The following DRC11 variants were observed in gnomAD, a reference collection of about 807,000 sequenced individuals.
DRC11 encodes IQ and AAA domain-containing protein 1.
At chr2:236,449,206 T>A in the DRC11 span, among the ~76,000 whole-genome samples, 1 of 152,178 alleles carries the variant, frequency 6.6e-6, no homozygotes, top group Non-Finnish European at 1.5e-5. This position sits in a 1 kb window ranked among gnomAD's most constrained non-coding sequence, Gnocchi z 5.1. Flanking sequence ...ACTAGGAAAC[T>A]GGGACATAGA....
chr2:236,442,406 A>G, the DRC11 span, among the ~76,000 whole-genome samples: 15 of 152,204 alleles, frequency 9.9e-5, no homozygotes, highest in East Asian at 1.2e-3. Context: ...GGAAGAGTAC[A>G]TAGAACAAGA....
At chr2:236,398,014 T>C in the DRC11 span, among the ~76,000 whole-genome samples, 1 of 152,022 alleles carries the variant, frequency 6.6e-6, no homozygotes, top group Non-Finnish European at 1.5e-5. This position sits in a 1 kb window ranked among gnomAD's most constrained non-coding sequence, Gnocchi z 6.2. Context: ...CATTAAGGAG[T>C]TGATGGATTC....
chr2:236,357,639 T>C, the DRC11 span, among the ~76,000 whole-genome samples: 3 of 90,790 alleles, frequency 3.3e-5, no homozygotes, highest in Non-Finnish European at 6.2e-5. Context: ...GCATATAATA[T>C]GTAAATATAT....
chr2:236,496,815 C>A, the DRC11 span, among the ~76,000 whole-genome samples: 17 of 152,246 alleles, frequency 1.1e-4, no homozygotes, highest in East Asian at 3.1e-3. This position sits in a 1 kb window ranked among gnomAD's most constrained non-coding sequence, Gnocchi z 6.3. Context: ...GAGGAGCGGG[C>A]GCTGCTACTG....
At chr2:236,343,116 C>T in the DRC11 span, among the ~76,000 whole-genome samples, 4 of 152,148 alleles carry the variant, frequency 2.6e-5, no homozygotes, top group South Asian at 2.1e-4. This position sits in a 1 kb window ranked among gnomAD's most constrained non-coding sequence, Gnocchi z 6.6. Flanking sequence ...TGCTTCTTCA[C>T]GGCTTTCAGC....
the DRC11 span, chr2:236,465,585 C>G: frequency 6.2e-7 from 1 of 1,613,980 alleles, no homozygotes. The surrounding 1 kb of genome is among the most constrained non-coding windows in gnomAD (Gnocchi z 6.2). Flanking sequence ...TTAGGTCATT[C>G]TTGATGGTAA....
chr2:236,470,701 T>A, the DRC11 span, among the ~76,000 whole-genome samples: 1 of 152,198 alleles, frequency 6.6e-6, no homozygotes, highest in Non-Finnish European at 1.5e-5. The surrounding 1 kb of genome is among the most constrained non-coding windows in gnomAD (Gnocchi z 5.1). Flanking sequence ...CTCATAAAGA[T>A]GAACCCAGCA....
the DRC11 span, among the ~76,000 whole-genome samples, chr2:236,417,071 T>C: frequency 6.6e-6 from 1 of 151,702 alleles, no homozygotes; most frequent in Non-Finnish European, 1.5e-5. Flanking sequence ...GGTTTCACCA[T>C]GTTGGCCAGG....
the DRC11 span, among the ~76,000 whole-genome samples, chr2:236,430,742 A>C: frequency 6.6e-6 from 1 of 152,174 alleles, no homozygotes; most frequent in Non-Finnish European, 1.5e-5. The surrounding 1 kb of genome is among the most constrained non-coding windows in gnomAD (Gnocchi z 6.0). Context: ...ATACTGTTAA[A>C]CTTCCCACCA....
At chr2:236,401,766 GA>G in the DRC11 span, among the ~76,000 whole-genome samples, 5 of 151,566 alleles carry the variant, frequency 3.3e-5, no homozygotes, top group Non-Finnish European at 5.9e-5. The surrounding 1 kb of genome is among the most constrained non-coding windows in gnomAD (Gnocchi z 4.6). Flanking sequence ...GCGGGGAAGA[GA>G]GGGGGGAAGG....
the DRC11 span, among the ~76,000 whole-genome samples, chr2:236,355,255 T>C: frequency 2.6e-5 from 4 of 152,244 alleles, no homozygotes; most frequent in Admixed American, 1.3e-4. Context: ...TGTTCCTCAC[T>C]GTAGCACATG....
the DRC11 span, among the ~76,000 whole-genome samples, chr2:236,370,745 G>C: frequency 5.4e-5 from 8 of 148,774 alleles, no homozygotes; most frequent in Admixed American, 2.0e-4. The surrounding 1 kb of genome is among the most constrained non-coding windows in gnomAD (Gnocchi z 5.5). Flanking sequence ...CTTGCTGCTG[G>C]GCACAGGGCC....
the DRC11 span, among the ~76,000 whole-genome samples, chr2:236,494,922 AATG>A: frequency 1.3e-5 from 2 of 152,194 alleles, no homozygotes; most frequent in Admixed American, 1.3e-4. The surrounding 1 kb of genome is among the most constrained non-coding windows in gnomAD (Gnocchi z 4.2). Context: ...GTAGGAGAAG[AATG>A]ATGACACTTT....
chr2:236,453,388 C>T, the DRC11 span, among the ~76,000 whole-genome samples: 1 of 152,182 alleles, frequency 6.6e-6, no homozygotes, highest in African/African-American at 2.4e-5. This position sits in a 1 kb window ranked among gnomAD's most constrained non-coding sequence, Gnocchi z 4.9. Flanking sequence ...TTATGAAACA[C>T]AAAGGCCTGA....
chr2:236,507,367 A>C, the DRC11 span: 1 of 1,290,456 alleles, frequency 7.7e-7, no homozygotes, highest in Non-Finnish European at 1.1e-6. Context: ...CAGGAGCTAC[A>C]GAGGATTTGG....
the DRC11 span, among the ~76,000 whole-genome samples, chr2:236,364,704 A>T: frequency 6.6e-6 from 1 of 152,206 alleles, no homozygotes; most frequent in African/African-American, 2.4e-5. Flanking sequence ...GGCACAAAGC[A>T]ACTAAAAAGT....
chr2:236,387,579 T>C, the DRC11 span, among the ~76,000 whole-genome samples: 1 of 152,214 alleles, frequency 6.6e-6, no homozygotes, highest in African/African-American at 2.4e-5. Context: ...ATGGGTTTCC[T>C]GAATACAGCA....
At chr2:236,391,758 G>A in the DRC11 span, among the ~76,000 whole-genome samples, 4 of 152,174 alleles carry the variant, frequency 2.6e-5, no homozygotes, top group Non-Finnish European at 5.9e-5. This position sits in a 1 kb window ranked among gnomAD's most constrained non-coding sequence, Gnocchi z 4.5. Flanking sequence ...GGGCTGGGGA[G>A]ATGTTACTCT....
the DRC11 span, among the ~76,000 whole-genome samples, chr2:236,439,290 T>A: frequency 1.3e-5 from 2 of 152,202 alleles, no homozygotes; most frequent in African/African-American, 4.8e-5. Flanking sequence ...GCTGTTTTTT[T>A]GAAAGGATCA....
Sources: gnomAD v4.1 joint callset for allele counts (sites outside exome capture counted in the v4.1 genomes callset) on GRCh38, gnomAD v4.1.1 for gene constraint, Gnocchi (gnomAD v3.1) non-coding constraint, MANE v1.5 for transcripts, NCBI Gene and HGNC (gene_info 2026-07-23, HGNC 2026-07-21) for gene names.